The following SDK2 variants were observed in gnomAD, a reference collection of about 807,000 sequenced individuals.
SDK2 encodes protein sidekick-2.
Under a neutral mutation model 253.9 loss-of-function variants are expected in SDK2, and 105 were observed. The ratio of observed to expected loss-of-function variants is 0.41; its 90% CI spans 0.35 to 0.49. SDK2 has a LOEUF of 0.49. Among genes scored for constraint, SDK2 ranks in the 20% least tolerant of loss-of-function variants. The pLI, the probability that SDK2 is intolerant of heterozygous loss-of-function variation, is 0.06. For missense variants in SDK2, 2,608 were observed against 3,003.0 expected, an observed-to-expected ratio of 0.87 and a Z score of 3.07; for synonymous variants, 1,249 against 1,234.9, an observed-to-expected ratio of 1.01 and a Z score of -0.24.
chr17:73,386,028 C>T, intron 31 of SDK2, 111 bp from the exon 32 acceptor site: 1 of 692,242 alleles, frequency 1.4e-6, no homozygotes, highest in Non-Finnish European at 2.4e-6. Flanking sequence ...GTCCAGATCG[C>T]ATCGCCCTCC....
At chr17:73,539,188 G>A (rs909168903) in intron 1 of SDK2, among the ~76,000 whole-genome samples, 5 of 152,178 alleles carry the variant, frequency 3.3e-5, no homozygotes, top group Admixed American at 2.0e-4. Flanking sequence ...AGGAACTAAG[G>A]AGAAGCTTTG....
At position 73,361,771 on chromosome 17, in the gene SDK2, C is replaced by A. The variant is rs1479543006; in HGVS notation, c.5380G>T (p.Gly1794Trp). ...CTGATGCGGAACCTGTAGGTCACCC[C>A]CTCCGCCAGGTCCTTCACCTTCAGC... Reference protein sequence around the residue: ...LWLKVKDLAEGVTYRFRIRAK... With the variant: ...LWLKVKDLAEWVTYRFRIRAK... Residue 1794 changes from glycine to tryptophan, a missense_variant, in exon 39 of 45, where the codon GGG becomes TGG. Transcript: ENST00000392650. This position sits in a 1 kb window ranked among gnomAD's most constrained non-coding sequence, Gnocchi z 4.1. 1 of 1,613,082 alleles carries A rather than the reference C, an allele frequency of 6.2e-7. No individual in the cohort carries two copies. Among genetic ancestry groups the A allele is most frequent in the South Asian group, 1.1e-5 (1 of 90,822 alleles).
intron 1 of SDK2, among the ~76,000 whole-genome samples, chr17:73,586,471 C>T (rs1230872765): frequency 2.6e-5 from 4 of 152,120 alleles, no homozygotes; most frequent in African/African-American, 9.7e-5. Flanking sequence ...CCAGTGTACT[C>T]GCCATAAATT....
rs769678469 is a variant in SDK2 at position 73,390,469 on chromosome 17, G to A, written c.4010C>T (p.Thr1337Ile). The A allele has an allele frequency of 3.1e-6, 5 of 1,612,066 alleles. No homozygotes were observed. The South Asian group carries it at 3.3e-5, about 11-fold the overall frequency. The stretch of plus-strand genomic sequence containing the variant: ...GGCCGTGGTGGTGTTGAGCCGGTGT[G>A]TGATCTGGTAAGCTGTGGGAAGGAA... Reference protein sequence around the residue: ...PNGIILAYQITHRLNTTTANT... With the variant: ...PNGIILAYQIIHRLNTTTANT... Residue 1337 changes from threonine (T) to isoleucine (I), a missense_variant, in exon 29 of 45, where the codon ACA becomes ATA. Physicochemically the swap from Thr to Ile is moderately conservative, Grantham distance 89 (BLOSUM62 -1). Coordinates refer to ENST00000392650, the MANE Select transcript of SDK2 (RefSeq NM_001144952.2).
chr17:73,421,370 G>A (rs2063228424), intron 15 of SDK2, among the ~76,000 whole-genome samples: 1 of 152,140 alleles, frequency 6.6e-6, no homozygotes, highest in African/African-American at 2.4e-5. Flanking sequence ...TAAGCCCCAG[G>A]CGTCTTTCAA....
At chr17:73,402,396 A>G (rs1295686070) in intron 18 of SDK2, among the ~76,000 whole-genome samples, 2 of 152,228 alleles carry the variant, frequency 1.3e-5, no homozygotes, top group East Asian at 3.8e-4. Context: ...ATCGCCTCGT[A>G]CTCAATTCTC....
At chr17:73,595,841 G>T (rs1035984885) in intron 1 of SDK2, among the ~76,000 whole-genome samples, 2 of 152,220 alleles carry the variant, frequency 1.3e-5, no homozygotes, top group Admixed American at 6.5e-5. Context: ...GGCTGAGAGG[G>T]GCCAGGGGAG....
In SDK2 at chr17:73,423,450, C is replaced by A; in HGVS notation, c.1833G>T (p.Thr611=). Residue 611 remains threonine, a synonymous_variant, in exon 14 of 45, where the codon ACG becomes ACT. Transcript: ENST00000392650. The part of the protein sequence containing the change: ...STVERRAINL[T]WTKPFDGNSP... ...TGTTGCCATCAAAGGGCTTGGTCCA[C>A]GTCAGGTTGATGGCTCGCCTTTCCA... 6.3e-7 allele frequency: 1 copy of A among 1,592,580 alleles called. No homozygotes were observed. Among genetic ancestry groups the A allele is most frequent in the Non-Finnish European group, 8.6e-7 (1 of 1,167,570 alleles).
intron 44 of SDK2, among the ~76,000 whole-genome samples, chr17:73,344,966 C>G (rs2062470243): frequency 6.6e-6 from 1 of 152,326 alleles, no homozygotes; most frequent in South Asian, 2.1e-4. Context: ...CCTCTCTGAG[C>G]CTCCAGGGGA....
rs55871913 is a variant in SDK2, at chr17:73,605,099, A to G, written c.64+38926T>C. On this transcript the variant is annotated intron_variant, in intron 1 of 44. Coordinates refer to ENST00000392650, the MANE Select transcript of SDK2 (RefSeq NM_001144952.2). ...GTAAGAGGGTCCCTCTGGTTTACCA[A>G]CATGGAGATCACAGGCAACTTTGAC... is the stretch of plus-strand genomic sequence containing the variant. Among the ~76,000 whole-genome samples, 926 of 152,356 alleles carry G rather than the reference A, an allele frequency of 6.1e-3. 9 individuals carry two copies. The highest frequency in any genetic ancestry group is 0.021 in the African/African-American group (882 of 41,578).
chr17:73,601,993 C>T (rs1448967626), intron 1 of SDK2, among the ~76,000 whole-genome samples: 1 of 152,250 alleles, frequency 6.6e-6, no homozygotes, highest in Non-Finnish European at 1.5e-5. Context: ...ATCCGCCTGC[C>T]TTGGCCTCCC....
rs972056047 is a variant in SDK2, at chr17:73,570,016, G to A, written c.65-62419C>T. ...GGGACACTTACTCTGGGTGAAGGATGAGGAGCAGGACCTCAGCGCTCTAAC... is the reference window on the plus strand; with the variant it reads ...GGGACACTTACTCTGGGTGAAGGATAAGGAGCAGGACCTCAGCGCTCTAAC... On this transcript the variant is annotated intron_variant, in intron 1 of 44. Coordinates refer to ENST00000392650, the MANE Select transcript of SDK2 (RefSeq NM_001144952.2). The surrounding 1 kb of genome is among the most constrained non-coding windows in gnomAD (Gnocchi z 4.2). Among the ~76,000 whole-genome samples, 3 of 152,146 alleles carry A rather than the reference G, an allele frequency of 2.0e-5. No individual in the cohort carries two copies. The highest frequency in any genetic ancestry group is 7.2e-5 in the African/African-American group (3 of 41,424).
chr17:73,587,634 G>C (rs984659594), intron 1 of SDK2, among the ~76,000 whole-genome samples: 1 of 152,148 alleles, frequency 6.6e-6, no homozygotes, highest in Admixed American at 6.5e-5. Flanking sequence ...ATTCAGAGCC[G>C]AGCTCCGCAG....
chr17:73,408,730 GAGAA>G (rs771568407), intron 18 of SDK2, among the ~76,000 whole-genome samples: 1 of 152,136 alleles, frequency 6.6e-6, no homozygotes, highest in Non-Finnish European at 1.5e-5. Flanking sequence ...GAAAGGGAGA[GAGAA>G]AGAGAGAGAG....
chr17:73,604,039 G>A (rs1292431546), intron 1 of SDK2, among the ~76,000 whole-genome samples: 1 of 152,256 alleles, frequency 6.6e-6, no homozygotes, highest in Non-Finnish European at 1.5e-5. Flanking sequence ...GGCCAAATGG[G>A]CAGCAGATCC....
chr17:73,395,469 T>A lies in SDK2; in HGVS notation c.3355-77A>T. 1.6e-6 allele frequency: 2 copies of A among 1,236,974 alleles called. No individual in the cohort carries two copies. The highest frequency in any genetic ancestry group is 2.3e-6 in the Non-Finnish European group (2 of 858,288). 76.6% of individuals were successfully genotyped at this position (1,236,974 alleles called of 1,614,324 possible). On this transcript the variant is annotated intron_variant, in intron 24 of 44. Coordinates refer to ENST00000392650, the MANE Select transcript of SDK2 (RefSeq NM_001144952.2). This position sits in a 1 kb window ranked among gnomAD's most constrained non-coding sequence, Gnocchi z 4.3. ...GCAGGGAGGAACTGCCCTGCTACCC[T>A]CTCCTCCAGGGCGCCTTCAGGGCTA... is the stretch of plus-strand genomic sequence containing the variant.
At chr17:73,580,731 C>A (rs78091799) in intron 1 of SDK2, among the ~76,000 whole-genome samples, 1 of 152,176 alleles carries the variant, frequency 6.6e-6, no homozygotes, top group Non-Finnish European at 1.5e-5. Context: ...GGCTGAGTAT[C>A]CTGTATGTAA....
chr17:73,499,249 G>A (rs1457512104), intron 2 of SDK2, among the ~76,000 whole-genome samples: 3 of 152,234 alleles, frequency 2.0e-5, no homozygotes, highest in Non-Finnish European at 2.9e-5. Context: ...CAGTGGCTCC[G>A]CGTGCGTCCC....
chr17:73,591,283 T>C (rs1257694624), intron 1 of SDK2, among the ~76,000 whole-genome samples: 1 of 152,190 alleles, frequency 6.6e-6, no homozygotes, highest in South Asian at 2.1e-4. Flanking sequence ...CTCCCCTGGA[T>C]GTAAGCCCCT....
Sources: allele counts gnomAD v4.1 joint callset (sites outside exome capture counted in the v4.1 genomes callset), GRCh38; gene constraint gnomAD v4.1.1; non-coding constraint Gnocchi (gnomAD v3.1); transcripts MANE v1.5; gene names NCBI Gene and HGNC (gene_info 2026-07-23, HGNC 2026-07-21).